Variants in CDK7 observed in about 807,000 individuals in gnomAD.
The protein encoded by CDK7 is cyclin dependent kinase 7.
Under a neutral mutation model 49.1 loss-of-function variants are expected in CDK7, and 25 were observed. The ratio of observed to expected loss-of-function variants is 0.51; its 90% confidence interval spans 0.37 to 0.71. The LOEUF is 0.71. Among genes scored for constraint, CDK7 ranks in the 30% least tolerant of loss-of-function variants. The pLI is 0.00. For missense variants in CDK7, 316 were observed against 411.7 expected, an observed-to-expected ratio of 0.77 and a Z score of 2.01; for synonymous variants, 107 against 140.0, an observed-to-expected ratio of 0.76 and a Z score of 1.67.
chr5:69,269,189 C>T lies in CDK7; in HGVS notation c.628-18C>T, dbSNP rs1269840668. On this transcript the variant is annotated intron_variant, in intron 8 of 11. Coordinates refer to ENST00000256443, the MANE Select transcript of CDK7 (RefSeq NM_001799.4). The stretch of plus-strand genomic sequence containing the variant: ...AAAAAAACCCACCTTGAAAAGTCTC[C>T]CTCTTACTTTCTTTCAGGTTCCTTT... 3 of 1,529,804 alleles carry T rather than the reference C, an allele frequency of 2.0e-6. No homozygotes were observed. Among genetic ancestry groups the T allele is most frequent in the African/African-American group, 2.8e-5 (2 of 71,600 alleles). 94.8% of individuals were successfully genotyped at this position (1,529,804 alleles called of 1,614,324 possible). A position where few individuals can be genotyped will look rare whatever the true frequency, so the allele number is the denominator to read the frequency against.
intron 2 of CDK7, among the ~76,000 whole-genome samples, chr5:69,250,368 T>G (rs1056804551): frequency 1.3e-5 from 2 of 152,238 alleles, no homozygotes; most frequent in Admixed American, 1.3e-4. Context: ...TTGGATAAGG[T>G]CCAGAATTCT....
rs767574299 is a variant in CDK7, at chr5:69,276,598, T to C, written c.920T>C (p.Leu307Pro). 2.5e-6 allele frequency: 4 copies of C among 1,613,808 alleles called. No individual in the cohort carries two copies. Among genetic ancestry groups the C allele is most frequent in the Non-Finnish European group, 3.4e-6 (4 of 1,179,992 alleles). ...NRPGPTPGCQ[L>P]PRPNCPVETL... ...CCAGGGCCAACACCTGGATGTCAGC[T>C]GCCAAGACCAAACTGTCCAGTGGAA... Residue 307 changes from leucine to proline, a missense_variant, in exon 11 of 12, where the codon CTG becomes CCG. Transcript: ENST00000256443.
At chr5:69,248,317 G>C (rs1003833723) in intron 2 of CDK7, among the ~76,000 whole-genome samples, 1 of 152,042 alleles carries the variant, frequency 6.6e-6, no homozygotes, top group South Asian at 2.1e-4. Flanking sequence ...TATATTGGGG[G>C]CTCCATTATA....
chr5:69,241,314 C>CTTTTTTTTTTT (rs747725798), intron 2 of CDK7, among the ~76,000 whole-genome samples: 1 of 35,192 alleles, frequency 2.8e-5, no homozygotes. Context: ...TAGGTTTTTT[C>CTTTTTTTTTTT]TTTTTTTTTT....
chr5:69,275,030 C>T lies in CDK7; in HGVS notation c.865-1513C>T, dbSNP rs1354054762. ...AGTGAGCCAAGATTGTGCCACTGCA[C>T]TCCAGCCTGGGCAACAGGGTGAGAC... On this transcript the variant is annotated intron_variant, in intron 10 of 11. Coordinates refer to ENST00000256443, the MANE Select transcript of CDK7 (RefSeq NM_001799.4). Among the ~76,000 whole-genome samples, 3 of 150,578 alleles carry T rather than the reference C, an allele frequency of 2.0e-5. No homozygotes were observed. The East Asian group carries it at 5.9e-4, about 30-fold the overall frequency.
intron 10 of CDK7, among the ~76,000 whole-genome samples, chr5:69,274,375 C>T (rs938831733): frequency 3.9e-5 from 6 of 152,184 alleles, no homozygotes; most frequent in Admixed American, 3.9e-4. Flanking sequence ...CGGCTCACAC[C>T]TGTAATCCCA....
rs1580249845 is a variant in CDK7 at position 69,234,921 on chromosome 5, C to A, written c.-55C>A. 72 of 1,522,502 alleles carry A rather than the reference C, an allele frequency of 4.7e-5. No individual in the cohort carries two copies. The South Asian group carries it at 8.2e-4, about 17-fold the overall frequency. The allele number at this position is 1,522,502 out of a possible 1,614,324, so 94.3% of individuals were successfully genotyped here. On this transcript the variant is annotated 5_prime_UTR_variant, in exon 1 of 12. Transcript: ENST00000256443. ...GGAGGCTTTAAGGTAGCTTTAAATT[C>A]GTGTTGTCCTGGGAGCTCGCCCTTT...
At chr5:69,241,420 A>G (rs1412007768) in intron 2 of CDK7, among the ~76,000 whole-genome samples, 1 of 146,544 alleles carries the variant, frequency 6.8e-6, no homozygotes, top group Non-Finnish European at 1.5e-5. Flanking sequence ...TCCTGGGTTC[A>G]AGCAATTCTC....
chr5:69,261,637 TCTC>T, intron 7 of CDK7, among the ~76,000 whole-genome samples: 1 of 151,952 alleles, frequency 6.6e-6, no homozygotes, highest in East Asian at 1.9e-4. Flanking sequence ...TTCAAGCAAT[TCTC>T]CTGCCTCAGC....
chr5:69,256,706 C>T (rs137978392), intron 5 of CDK7, among the ~76,000 whole-genome samples: 19 of 152,070 alleles, frequency 1.2e-4, no homozygotes, highest in East Asian at 3.9e-4. Context: ...TTAGTGGTAT[C>T]GATCACAATA....
chr5:69,275,979 T>C (rs1265363898), intron 10 of CDK7, among the ~76,000 whole-genome samples: 1 of 152,202 alleles, frequency 6.6e-6, no homozygotes, highest in Non-Finnish European at 1.5e-5. Context: ...AGATAAGATA[T>C]ATTCAGCCTG....
chr5:69,262,150 A>AG, intron 7 of CDK7, 55 bp from the exon 8 acceptor site: 1 of 1,610,180 alleles, frequency 6.2e-7, no homozygotes, highest in Admixed American at 1.7e-5. Context: ...CCCTAGAGAT[A>AG]GAAGTGCTTT....
At chr5:69,261,964 A>G (rs1363126396) in intron 7 of CDK7, among the ~76,000 whole-genome samples, 6 of 152,208 alleles carry the variant, frequency 3.9e-5, no homozygotes, top group Admixed American at 3.9e-4. Context: ...CTGGAAAAAT[A>G]CTGGTATGTT....
intron 8 of CDK7, among the ~76,000 whole-genome samples, chr5:69,265,094 T>C (rs1221984947): frequency 6.6e-6 from 1 of 151,854 alleles, no homozygotes; most frequent in East Asian, 1.9e-4. Flanking sequence ...AAACCCCGTC[T>C]CTGTTGAAAA....
chr5:69,266,416 C>T (rs1307988438), intron 8 of CDK7, among the ~76,000 whole-genome samples: 1 of 151,932 alleles, frequency 6.6e-6, no homozygotes, highest in African/African-American at 2.4e-5. Context: ...TGGTGAGACC[C>T]GGTCTCTACT....
At chr5:69,251,844 T>G (rs1459827368) in intron 2 of CDK7, among the ~76,000 whole-genome samples, 1 of 152,230 alleles carries the variant, frequency 6.6e-6, no homozygotes. Flanking sequence ...AGTCTTTTCT[T>G]GATTACTGAC....
At chr5:69,258,527 C>T (rs1289958348) in intron 6 of CDK7, among the ~76,000 whole-genome samples, 1 of 151,900 alleles carries the variant, frequency 6.6e-6, no homozygotes, top group Non-Finnish European at 1.5e-5. Context: ...ACCACAGGTG[C>T]CCGCCACCAC....
At chr5:69,240,005 C>T (rs190528111) in intron 2 of CDK7, among the ~76,000 whole-genome samples, 31 of 152,072 alleles carry the variant, frequency 2.0e-4, no homozygotes, top group Admixed American at 1.9e-3. Context: ...AGACACTGTG[C>T]CTGGCTAAGA....
intron 10 of CDK7, among the ~76,000 whole-genome samples, chr5:69,275,354 T>C (rs1752011421): frequency 6.6e-6 from 1 of 152,234 alleles, no homozygotes; most frequent in Admixed American, 6.5e-5. Flanking sequence ...TTTAAGAATT[T>C]ATATTTTACA....
Sources: allele counts gnomAD v4.1 joint callset (sites outside exome capture counted in the v4.1 genomes callset), GRCh38; gene constraint gnomAD v4.1.1; transcripts MANE v1.5; gene names NCBI Gene and HGNC (gene_info 2026-07-23, HGNC 2026-07-21).